SEZ6L2: variants seen among roughly 807,000 people sequenced by gnomAD.
The protein encoded by SEZ6L2 is seizure related 6 homolog like 2.
SEZ6L2 carries 44 observed loss-of-function variants against 97.0 expected under a neutral mutation model. That is an observed-to-expected ratio of 0.45 (90% CI 0.36 to 0.58). The LOEUF is 0.58. Ranked by LOEUF, SEZ6L2 falls within the 20% of genes least tolerant of loss-of-function variation. The probability of loss-of-function intolerance (pLI) is 0.00; values close to 1 mark genes in which losing one functional copy is unlikely to be tolerated. For missense variants in SEZ6L2, 1,086 were observed against 1,233.3 expected (o/e 0.88, Z 1.79); for synonymous variants, 543 against 546.1 (o/e 0.99, Z 0.08).
chr16:29,876,993 G>A lies in SEZ6L2; in HGVS notation c.1910-43C>T. ...CGAGTTTGGAGGCTGCGTTTTAACT[G>A]CGGGCTCCCTTCCAGCCTCGGAGGC... On this transcript the variant is annotated intron_variant, in intron 11 of 17. Coordinates refer to ENST00000617533, the MANE Select transcript of SEZ6L2 (RefSeq NM_001243332.2). This position sits in a 1 kb window ranked among gnomAD's most constrained non-coding sequence, Gnocchi z 6.5. 1 of 1,556,444 alleles carries A rather than the reference G, an allele frequency of 6.4e-7. No homozygotes were observed. Among genetic ancestry groups the A allele is most frequent in the Non-Finnish European group, 8.7e-7 (1 of 1,143,750 alleles).
In SEZ6L2 at chr16:29,896,256, GC is replaced by G. The variant is rs111392087; in HGVS notation, c.512-397del. 2.3e-3 allele frequency among the ~76,000 whole-genome samples: 346 copies of G among 152,132 alleles called. 2 individuals are homozygous for G. Among genetic ancestry groups the G allele is most frequent in the African/African-American group, 5.3e-3 (222 of 41,498 alleles). On this transcript the variant is annotated intron_variant, in intron 3 of 17. Transcript: ENST00000617533. ...TGGGATTACAGCTGTGCGCTGCTGT[GC>G]CCCCCTCACCATCTTTTATTTTTTT... is the stretch of plus-strand genomic sequence containing the variant.
rs1218006489 is a variant in SEZ6L2 at position 29,897,969 on chromosome 16, T to C, written c.95A>G (p.Glu32Gly). Residue 32 changes from glutamate to glycine, a missense_variant, in exon 2 of 18, where the codon GAG (glutamate) becomes GGG (glycine). Glu to Gly is a moderately conservative substitution (Grantham distance 98). This residue lies in a region of SEZ6L2 where 776 missense variants were observed against 794.7 expected (regional missense o/e 0.98). Coordinates refer to ENST00000617533, the MANE Select transcript of SEZ6L2 (RefSeq NM_001243332.2). ...TCCAGGCTCTGGCAATATCTCCTCCTCCTTCAGGGGCAGACCTAGGAGGTG... is the reference window on the plus strand; with the variant it reads ...TCCAGGCTCTGGCAATATCTCCTCCCCCTTCAGGGGCAGACCTAGGAGGTG... The part of the protein sequence containing the change: ...CPWIQGLPLK[E>G]EEILPEPGSE... 1 of 1,613,414 alleles carries C rather than the reference T, an allele frequency of 6.2e-7. No homozygotes were observed. The highest frequency in any genetic ancestry group is 8.5e-7 in the Non-Finnish European group (1 of 1,179,710).
At chr16:29,888,804 C>A (rs1259301115) in intron 5 of SEZ6L2, 79 bp from the exon 6 acceptor site, 6 of 1,336,850 alleles carry the variant, frequency 4.5e-6, no homozygotes, top group African/African-American at 2.9e-5. Flanking sequence ...CACTTCCCCC[C>A]TCTCCTTTCA....
At chr16:29,892,191 G>T (rs1327296482) in intron 5 of SEZ6L2, among the ~76,000 whole-genome samples, 4 of 152,232 alleles carry the variant, frequency 2.6e-5, no homozygotes, top group Non-Finnish European at 5.9e-5. Context: ...AGAAACTAAT[G>T]AGGCCACTCT....
At chr16:29,894,886 G>A (rs1166252240) in intron 5 of SEZ6L2, among the ~76,000 whole-genome samples, 1 of 151,998 alleles carries the variant, frequency 6.6e-6, no homozygotes, top group Non-Finnish European at 1.5e-5. Context: ...TCTTAAAGAT[G>A]TCCCCTCTAT....
rs1447405816 is a variant in SEZ6L2, at chr16:29,871,567, C to T, written c.*132G>A. On this transcript the variant is annotated 3_prime_UTR_variant, in exon 18 of 18. Transcript: ENST00000617533. ...ATCTCCAGGGCCATCAAAGCCCCCT[C>T]GTGGGATAGGGAGACTATTTACACA... The T allele has an allele frequency of 1.6e-5, 14 of 896,200 alleles. No individual in the cohort carries two copies. The highest frequency in any genetic ancestry group is 8.3e-5 in the African/African-American group (5 of 60,298). The allele number at this position is 896,200 out of a possible 1,614,324, so 55.5% of individuals were successfully genotyped here.
chr16:29,877,641 A>G (rs1013992203), intron 10 of SEZ6L2, among the ~76,000 whole-genome samples, 174 bp from the exon 11 acceptor site: 16 of 152,206 alleles, frequency 1.1e-4, no homozygotes, highest in African/African-American at 3.6e-4. Flanking sequence ...GGTTTCTCCT[A>G]TGCTAGTGCC....
intron 6 of SEZ6L2, 121 bp downstream of exon 6, chr16:29,888,419 G>T: frequency 9.6e-7 from 1 of 1,037,006 alleles, no homozygotes; most frequent in South Asian, 1.7e-5. Flanking sequence ...GGACTCCTCA[G>T]GGTAAACACC....
intron 5 of SEZ6L2, among the ~76,000 whole-genome samples, chr16:29,889,914 T>C (rs1005476128): frequency 2.0e-5 from 3 of 151,906 alleles, no homozygotes; most frequent in Non-Finnish European, 4.4e-5. Flanking sequence ...TTTTTGTTTT[T>C]GTTTTTGTTT....
chr16:29,876,677 G>C lies in SEZ6L2; in HGVS notation c.2104+79C>G. The C allele has an allele frequency of 1.5e-6, 2 of 1,308,670 alleles. No homozygotes were observed. The highest frequency in any genetic ancestry group is 1.5e-5 in the African/African-American group (1 of 67,554). The allele number at this position is 1,308,670 out of a possible 1,614,324, so 81.1% of individuals were successfully genotyped here. On this transcript the variant is annotated intron_variant, in intron 12 of 17. Transcript: ENST00000617533. This position sits in a 1 kb window ranked among gnomAD's most constrained non-coding sequence, Gnocchi z 6.5. ...AAGGGATGGAACCCAGAAAGCACGG[G>C]GGTCGGGACAGGACAGGCCGACGAC...
In SEZ6L2 at chr16:29,873,306, C is replaced by T. The variant is rs767721821; in HGVS notation, c.2422G>A (p.Glu808Lys). The change falls in exon 14 of 18, where the codon GAG (glutamate) becomes AAG (lysine). Residue 808 changes from glutamate (E) to lysine (K), a missense_variant. Physicochemically the swap from Glu to Lys is moderately conservative, Grantham distance 56 (BLOSUM62 1). Transcript: ENST00000617533. This position sits in a 1 kb window ranked among gnomAD's most constrained non-coding sequence, Gnocchi z 4.3. The stretch of plus-strand genomic sequence containing the variant: ...CCGGGCACACAGGTGATGGTGACCT[C>T]GCCGATAAGCTCAAAGCCCTCATAG... ...FCYEGFELIG[E>K]VTITCVPGHP... 3.7e-6 allele frequency: 6 copies of T among 1,614,178 alleles called. No individual in the cohort carries two copies. Among genetic ancestry groups the T allele is most frequent in the East Asian group, 2.2e-5 (1 of 44,888 alleles).
chr16:29,895,154 G>A (rs2068353451), intron 5 of SEZ6L2, 105 bp downstream of exon 5: 4 of 995,234 alleles, frequency 4.0e-6, no homozygotes, highest in Non-Finnish European at 5.9e-6. Flanking sequence ...CCTCCAGTCT[G>A]GGCGACAGAG....
chr16:29,873,702 A>G lies in SEZ6L2; in HGVS notation c.2132T>C (p.Ile711Thr), dbSNP rs1180397744. 6 of 1,603,046 alleles carry G rather than the reference A, an allele frequency of 3.7e-6. No individual in the cohort carries two copies. The highest frequency in any genetic ancestry group is 3.3e-5 in the South Asian group (3 of 90,000). The change falls in exon 13 of 18, where the codon ATT becomes ACT. Residue 711 changes from isoleucine to threonine, a missense_variant. Ile to Thr is a moderately conservative substitution (Grantham distance 89, BLOSUM62 -1). Around this residue, in one of 2 missense-constraint regions of SEZ6L2, gnomAD observed 310 missense variants for 438.6 expected, o/e 0.71. Coordinates refer to ENST00000617533, the MANE Select transcript of SEZ6L2 (RefSeq NM_001243332.2). This position sits in a 1 kb window ranked among gnomAD's most constrained non-coding sequence, Gnocchi z 4.3. ...KIMTCADPGE[I>T]ANGHRTASDA... ...CGAGGCGGTGCGGTGCCCGTTGGCA[A>G]TCTCGCCAGGGTCAGCACAAGTCAT...
intron 5 of SEZ6L2, among the ~76,000 whole-genome samples, chr16:29,893,319 C>T (rs141162502): frequency 0.016 from 2,498 of 151,426 alleles, 32 homozygotes; most frequent in Middle Eastern, 0.031. Flanking sequence ...AGCAAAACTC[C>T]ATCTCAAATA....
In SEZ6L2 at chr16:29,873,255, G is replaced by T; in HGVS notation, c.2473C>A (p.Pro825Thr). 6.2e-7 allele frequency: 1 copy of T among 1,613,948 alleles called. No individual in the cohort carries two copies. Among genetic ancestry groups the T allele is most frequent in the African/African-American group, 1.3e-5 (1 of 75,052 alleles). The change falls in exon 14 of 18, where the codon CCC (proline) becomes ACC (threonine). Residue 825 changes from proline (P) to threonine (T), a missense_variant. This residue lies in a region of SEZ6L2 where 310 missense variants were observed against 438.6 expected (regional missense o/e 0.71). Coordinates refer to ENST00000617533, the MANE Select transcript of SEZ6L2 (RefSeq NM_001243332.2). The surrounding 1 kb of genome is among the most constrained non-coding windows in gnomAD (Gnocchi z 4.3). ...PGHPSQWTSQ[P>T]PLCKVAYEEL... ...GGCCAGGCACCTTTGCAGAGTGGGG[G>T]CTGGCTGGTCCACTGGGAGGGGTGG...
At chr16:29,890,336 C>T (rs2068245013) in intron 5 of SEZ6L2, among the ~76,000 whole-genome samples, 1 of 152,158 alleles carries the variant, frequency 6.6e-6, no homozygotes. Flanking sequence ...AGTCCATTGT[C>T]TACTGAGATG....
At chr16:29,885,980 A>G (rs1460273388) in intron 7 of SEZ6L2, 1 of 409,286 alleles carries the variant, frequency 2.4e-6, no homozygotes, top group African/African-American at 2.0e-5. Context: ...GCATAGAAAG[A>G]TCAAGTAACC....
At position 29,896,929 on chromosome 16, in the gene SEZ6L2, G is replaced by T. The variant is rs1167304721; in HGVS notation, c.404C>A (p.Pro135His). 1 of 1,610,974 alleles carries T rather than the reference G, an allele frequency of 6.2e-7. No homozygotes were observed. The highest frequency in any genetic ancestry group is 8.5e-7 in the Non-Finnish European group (1 of 1,178,630). Residue 135 changes from proline (P) to histidine (H), a missense_variant, in exon 3 of 18, where the codon CCC becomes CAC. Physicochemically the swap from Pro to His is moderately conservative, Grantham distance 77. This residue lies in a region of SEZ6L2 where 776 missense variants were observed against 794.7 expected (regional missense o/e 0.98). Transcript: ENST00000617533. Reference sequence around the variant, plus strand: ...GGGAGGCCCTGGGGAGGCAGGGCTGGGTGGGGGTGGGGCTGTGGTTCCTGG... The same window carrying T: ...GGGAGGCCCTGGGGAGGCAGGGCTGTGTGGGGGTGGGGCTGTGGTTCCTGG... ...PPPGTTAPPP[P>H]SPASPGPPLG...
At chr16:29,877,046 GTCTCTC>G in intron 11 of SEZ6L2, 96 bp from the exon 12 acceptor site, 3 of 1,215,474 alleles carry the variant, frequency 2.5e-6, no homozygotes, top group Non-Finnish European at 3.4e-6. Flanking sequence ...CCCGGGATCT[GTCTCTC>G]TCTCTCTCTC....
Sources: allele counts gnomAD v4.1 joint callset (sites outside exome capture counted in the v4.1 genomes callset), GRCh38; gene constraint gnomAD v4.1.1; regional missense constraint gnomAD v4.1.1; non-coding constraint Gnocchi (gnomAD v3.1); transcripts MANE v1.5; gene names NCBI Gene and HGNC (gene_info 2026-07-23, HGNC 2026-07-21).